The following DOCK5 variants were observed in gnomAD, a reference collection of about 807,000 sequenced individuals.
DOCK5 encodes the protein dedicator of cytokinesis 5.
In DOCK5, 142 loss-of-function variants were observed where a neutral mutation model predicts 251.8. That is an observed-to-expected ratio of 0.56 (90% confidence interval 0.49 to 0.65). The LOEUF (loss-of-function observed/expected upper bound fraction) is 0.65. Among genes scored for constraint, DOCK5 ranks in the 30% least tolerant of loss-of-function variants. The pLI is 0.00. For synonymous variants in DOCK5, 842 were observed against 835.5 expected, an observed-to-expected ratio of 1.01 and a Z score of -0.13; for missense variants, 2,111 against 2,312.3, an observed-to-expected ratio of 0.91 and a Z score of 1.79.
At chr8:25,220,009 C>T (rs1198120763) in intron 1 of DOCK5, among the ~76,000 whole-genome samples, 1 of 145,996 alleles carries the variant, frequency 6.8e-6, no homozygotes, top group African/African-American at 2.5e-5. Flanking sequence ...TTTTCTTCTT[C>T]TTTTTTTTTT....
In DOCK5 at chr8:25,392,842, C is replaced by T; in HGVS notation, c.4487C>T (p.Pro1496Leu). ...RTTYTTAYTF[P>L]GILKWFEVKQ... is the part of the protein sequence containing the mutation. ...ACGTATACGACTGCATATACCTTTC[C>T]TGGGATTCTCAAGTGGTTTGAAGTC... Residue 1496 changes from proline to leucine, a missense_variant, in exon 44 of 52, where the codon CCT (proline) becomes CTT (leucine). Coordinates refer to ENST00000276440, the MANE Select transcript of DOCK5 (RefSeq NM_024940.8). 5 of 1,613,134 alleles carry T rather than the reference C, an allele frequency of 3.1e-6. No homozygotes were observed. The highest frequency in any genetic ancestry group is 1.1e-5 in the South Asian group (1 of 90,764).
rs1288466350 is a variant in DOCK5, at chr8:25,382,795, T to TG, written c.4131+19dup. On this transcript the variant is annotated intron_variant, in intron 40 of 51. Transcript: ENST00000276440. ...TTCCTACGGGTAAGAAACCTGATGG[T>TG]GGTCTCCCAGGCCATTAGGAGGAGG... 3 of 1,594,752 alleles carry TG rather than the reference T, an allele frequency of 1.9e-6. No individual in the cohort carries two copies. The highest frequency in any genetic ancestry group is 4.5e-5 in the East Asian group (2 of 44,664).
chr8:25,322,396 G>C (rs1805448057), intron 16 of DOCK5, among the ~76,000 whole-genome samples: 1 of 152,208 alleles, frequency 6.6e-6, no homozygotes, highest in Non-Finnish European at 1.5e-5. Flanking sequence ...GTAGAAATTA[G>C]CCCAGTGAAG....
intron 22 of DOCK5, among the ~76,000 whole-genome samples, chr8:25,339,256 C>T (rs960620972): frequency 6.6e-6 from 1 of 152,104 alleles, no homozygotes; most frequent in African/African-American, 2.4e-5. Context: ...ATCAGCAAAA[C>T]ACCAAGAAAA....
In DOCK5 at chr8:25,242,965, C is replaced by A. The variant is rs1024938435; in HGVS notation, c.44-709C>A. Among the ~76,000 whole-genome samples the A allele has an allele frequency of 2.0e-5, 3 of 152,236 alleles. No individual in the cohort carries two copies. In the East Asian group the frequency reaches 5.8e-4, roughly 29 times the overall value. ...ATCATCAGTTCCGTGTTCTTGCAGG[C>A]TGGCTGTTGTCTGATGAACAAGGGC... is the stretch of plus-strand genomic sequence containing the variant. On this transcript the variant is annotated intron_variant, in intron 1 of 51. Coordinates refer to ENST00000276440, the MANE Select transcript of DOCK5 (RefSeq NM_024940.8).
intron 19 of DOCK5, 49 bp downstream of exon 19, chr8:25,332,397 A>G (rs761419293): frequency 2.1e-6 from 3 of 1,438,652 alleles, no homozygotes; most frequent in South Asian, 2.4e-5. Flanking sequence ...ACATATATAT[A>G]CCTATCTAAT....
chr8:25,226,313 G>A (rs1802529963), intron 1 of DOCK5, among the ~76,000 whole-genome samples: 1 of 140,548 alleles, frequency 7.1e-6, no homozygotes, highest in Non-Finnish European at 1.5e-5. Context: ...CCAGGCTGGA[G>A]TGCAGGTGGC....
intron 36 of DOCK5, 90 bp from the exon 37 acceptor site, chr8:25,374,474 G>T (rs1703457194): frequency 4.9e-6 from 6 of 1,225,942 alleles, no homozygotes; most frequent in Non-Finnish European, 6.9e-6. Context: ...TGCAGCCTGG[G>T]CAATACAGCA....
At chr8:25,306,452 A>G (rs991158822) in intron 11 of DOCK5, among the ~76,000 whole-genome samples, 3 of 152,316 alleles carry the variant, frequency 2.0e-5, no homozygotes, top group Non-Finnish European at 4.4e-5. Context: ...TACGCCTGTA[A>G]TCCCAGCACT....
intron 37 of DOCK5, chr8:25,375,862 C>G: frequency 1.0e-6 from 1 of 955,636 alleles, no homozygotes; most frequent in Non-Finnish European, 1.2e-6. Context: ...CTTTGGGAAG[C>G]TGAGGCCAGC....
intron 2 of DOCK5, among the ~76,000 whole-genome samples, chr8:25,257,169 A>G (rs1441511162): frequency 6.6e-6 from 1 of 152,086 alleles, no homozygotes; most frequent in Non-Finnish European, 1.5e-5. Context: ...CAGCACAGGA[A>G]CCAGAAGACA....
intron 44 of DOCK5, among the ~76,000 whole-genome samples, chr8:25,393,623 C>G (rs897876913): frequency 6.6e-6 from 1 of 152,182 alleles, no homozygotes; most frequent in Non-Finnish European, 1.5e-5. Context: ...CTGAAACACA[C>G]TCTTGCAATT....
chr8:25,310,552 C>T lies in DOCK5; in HGVS notation c.1318+20C>T. 1 of 1,590,682 alleles carries T rather than the reference C, an allele frequency of 6.3e-7. No individual in the cohort carries two copies. The highest frequency in any genetic ancestry group is 8.6e-7 in the Non-Finnish European group (1 of 1,168,606). On this transcript the variant is annotated intron_variant, in intron 13 of 51. Coordinates refer to ENST00000276440, the MANE Select transcript of DOCK5 (RefSeq NM_024940.8). ...TGCCAGGTAAGCACTTTGCATGGCT[C>T]ACCTGTTTGCTTCCTCCTGTTCAGC...
chr8:25,186,336 C>T (rs1350053879), intron 1 of DOCK5, among the ~76,000 whole-genome samples: 1 of 147,514 alleles, frequency 6.8e-6, no homozygotes, highest in Non-Finnish European at 1.5e-5. Flanking sequence ...GATGTTGCTT[C>T]TGCCTCAGGG....
intron 26 of DOCK5, among the ~76,000 whole-genome samples, chr8:25,346,141 C>T (rs575774695): frequency 8.3e-4 from 127 of 152,130 alleles, no homozygotes; most frequent in Middle Eastern, 3.4e-3. Flanking sequence ...TGAGCCATCG[C>T]GCCCAGCCCC....
intron 44 of DOCK5, among the ~76,000 whole-genome samples, chr8:25,394,458 C>T (rs1037555724): frequency 1.3e-5 from 2 of 151,596 alleles, no homozygotes; most frequent in African/African-American, 2.4e-5. Flanking sequence ...CCTGTATATT[C>T]GAATACATCC....
intron 45 of DOCK5, among the ~76,000 whole-genome samples, chr8:25,399,149 G>A (rs550902343): frequency 3.5e-4 from 54 of 152,154 alleles, no homozygotes; most frequent in Non-Finnish European, 2.9e-4. Context: ...TGTTGGAAAC[G>A]TTTGCTGCAA....
intron 40 of DOCK5, among the ~76,000 whole-genome samples, chr8:25,384,463 A>AT (rs201096966): frequency 0.056 from 7,557 of 135,640 alleles, 383 homozygotes; most frequent in Non-Finnish European, 0.074. Flanking sequence ...TTATTTATTT[A>AT]TTTTTTTTTT....
In DOCK5 at chr8:25,399,934, GCAGGAGCATCCTGAAGAC is replaced by G. The variant is rs769368882; in HGVS notation, c.4735_4752del (p.His1579_Glu1584del). On this transcript the variant is annotated inframe_deletion, in exon 46 of 52. Transcript: ENST00000276440. ...AGGCTTTTTTTACAGAAAAGTACTT[GCAGGAGCATCCTGAAGAC>G]CAGGAGAAGGTTGAGCTGCTAAAGC... 6.2e-7 allele frequency: 1 copy of G among 1,613,478 alleles called. No homozygotes were observed. The highest frequency in any genetic ancestry group is 8.5e-7 in the Non-Finnish European group (1 of 1,179,700).
Sources: gnomAD v4.1 joint callset for allele counts (sites outside exome capture counted in the v4.1 genomes callset) on GRCh38, gnomAD v4.1.1 for gene constraint, MANE v1.5 for transcripts, NCBI Gene and HGNC (gene_info 2026-07-23, HGNC 2026-07-21) for gene names.